Variants in PLEKHA7 observed in about 807,000 individuals in gnomAD.
The protein encoded by PLEKHA7 is pleckstrin homology domain-containing family A member 7.
In PLEKHA7, 104 loss-of-function variants were observed where a neutral mutation model predicts 170.0. That is an observed-to-expected ratio of 0.61 (90% CI 0.52 to 0.72). The LOEUF (loss-of-function observed/expected upper bound fraction) is 0.72, where lower values mean the gene tolerates loss of function less well. Ranked by LOEUF, PLEKHA7 falls within the 30% of genes least tolerant of loss-of-function variation. The probability of loss-of-function intolerance (pLI) is 0.00; values close to 1 mark genes in which losing one functional copy is unlikely to be tolerated. For missense variants in PLEKHA7, 1,615 were observed against 1,671.7 expected (o/e 0.97, Z 0.59); for synonymous variants, 648 against 660.8 (o/e 0.98, Z 0.30).
chr11:16,925,548 C>T (rs2136283848), intron 3 of PLEKHA7, among the ~76,000 whole-genome samples: 1 of 152,310 alleles, frequency 6.6e-6, no homozygotes, highest in East Asian at 1.9e-4. Flanking sequence ...CTTGGTCGCT[C>T]CTGCCAGACC....
At chr11:17,008,773 T>A (rs1474149554) in intron 3 of PLEKHA7, among the ~76,000 whole-genome samples, 1 of 152,132 alleles carries the variant, frequency 6.6e-6, no homozygotes, top group Non-Finnish European at 1.5e-5. Flanking sequence ...CATTGCCTCA[T>A]GACCTATTTA....
chr11:16,802,834 C>T (rs767404803), intron 15 of PLEKHA7, 138 bp downstream of exon 15: 8 of 773,936 alleles, frequency 1.0e-5, no homozygotes, highest in Non-Finnish European at 1.7e-5. Flanking sequence ...GCATGAGCCA[C>T]CGCACCTGGT....
At chr11:16,948,149 A>T (rs149079594) in intron 3 of PLEKHA7, among the ~76,000 whole-genome samples, 173 of 152,270 alleles carry the variant, frequency 1.1e-3, no homozygotes, top group African/African-American at 3.7e-3. Context: ...TCAAAGAGTA[A>T]AACGGTGGTT....
intron 21 of PLEKHA7, chr11:16,790,096 C>T: frequency 3.6e-6 from 2 of 559,930 alleles, no homozygotes. Flanking sequence ...GGGCAGTGTC[C>T]CTGCAGATCT....
chr11:16,830,039 C>T (rs387849), intron 9 of PLEKHA7, among the ~76,000 whole-genome samples: 14,633 of 151,972 alleles, frequency 0.096, 823 homozygotes, highest in East Asian at 0.16. Flanking sequence ...AATGCACTAG[C>T]GTGAACAGAG....
At chr11:16,904,986 C>A (rs1857563403) in intron 3 of PLEKHA7, among the ~76,000 whole-genome samples, 1 of 152,188 alleles carries the variant, frequency 6.6e-6, no homozygotes, top group African/African-American at 2.4e-5. Flanking sequence ...GACACAGTGA[C>A]TCACGCCTGT....
intron 3 of PLEKHA7, among the ~76,000 whole-genome samples, chr11:16,995,092 T>C (rs1244922846): frequency 1.3e-5 from 2 of 152,196 alleles, no homozygotes; most frequent in Non-Finnish European, 2.9e-5. Flanking sequence ...GTACTTCCTA[T>C]TAACTCATTT....
At chr11:17,014,265 G>GCCCCCGCGCCCCCA in intron 1 of PLEKHA7, 51 bp downstream of exon 1, 3 of 720,600 alleles carry the variant, frequency 4.2e-6, no homozygotes, top group Non-Finnish European at 6.3e-6. Context: ...CCCGGCCCCC[G>GCCCCCGCGCCCCCA]CCCCCGCGCC....
At position 16,816,899 on chromosome 11, in the gene PLEKHA7, T is replaced by C; in HGVS notation, c.1767A>G (p.Thr589=). Residue 589 remains threonine, a synonymous_variant, in exon 11 of 27, where the codon ACA becomes ACG. Coordinates refer to ENST00000531066, the MANE Select transcript of PLEKHA7 (RefSeq NM_001329630.2). ...GCTTCACTGTGACTCGCTCTGCTGGTGTGTGTGGCCGCCGGGGTGGGAAGA... is the reference window on the plus strand; with the variant it reads ...GCTTCACTGTGACTCGCTCTGCTGGCGTGTGTGGCCGCCGGGGTGGGAAGA... ...PRVFPPRRPH[T]PAERVTVKPP... The C allele has an allele frequency of 6.2e-7, 1 of 1,613,790 alleles. No homozygotes were observed. Among genetic ancestry groups the C allele is most frequent in the Non-Finnish European group, 8.5e-7 (1 of 1,179,950 alleles).
At chr11:16,820,829 AG>A (rs1214156032) in intron 10 of PLEKHA7, among the ~76,000 whole-genome samples, 1 of 152,102 alleles carries the variant, frequency 6.6e-6, no homozygotes, top group Non-Finnish European at 1.5e-5. Context: ...ATTTACACAT[AG>A]TCTGCCATTC....
intron 3 of PLEKHA7, among the ~76,000 whole-genome samples, chr11:16,926,068 C>T (rs561297734): frequency 2.3e-4 from 35 of 152,366 alleles, no homozygotes; most frequent in African/African-American, 7.9e-4. Flanking sequence ...GCTGTCGTCT[C>T]CCCTCCAAGA....
intron 3 of PLEKHA7, among the ~76,000 whole-genome samples, chr11:16,992,873 C>CTA (rs1864128962): frequency 6.6e-6 from 1 of 152,114 alleles, no homozygotes; most frequent in Non-Finnish European, 1.5e-5. Flanking sequence ...AGAATAACAC[C>CTA]TTTTAGGGCT....
chr11:16,798,316 A>G (rs1848371915), intron 17 of PLEKHA7, among the ~76,000 whole-genome samples: 1 of 152,182 alleles, frequency 6.6e-6, no homozygotes, highest in Non-Finnish European at 1.5e-5. Context: ...TGTGCCACTT[A>G]GGGAAAGTGT....
chr11:16,877,478 A>C (rs114797259), intron 3 of PLEKHA7, among the ~76,000 whole-genome samples: 3 of 152,196 alleles, frequency 2.0e-5, no homozygotes, highest in Non-Finnish European at 4.4e-5. Context: ...CTTGTGACTA[A>C]TTTTACTTAA....
chr11:16,942,588 C>G (rs1860765457), intron 3 of PLEKHA7, among the ~76,000 whole-genome samples: 1 of 152,182 alleles, frequency 6.6e-6, no homozygotes, highest in Non-Finnish European at 1.5e-5. Flanking sequence ...ACTAGTATCC[C>G]AAACACCATC....
At chr11:17,007,877 A>C in intron 3 of PLEKHA7, among the ~76,000 whole-genome samples, 1 of 152,184 alleles carries the variant, frequency 6.6e-6, no homozygotes. Flanking sequence ...GCCCGGCCTA[A>C]AGATATTCAG....
chr11:17,005,353 G>A (rs1170442657), intron 3 of PLEKHA7, among the ~76,000 whole-genome samples: 2 of 152,158 alleles, frequency 1.3e-5, no homozygotes, highest in Admixed American at 6.6e-5. Context: ...CCAACATGGT[G>A]AAACCCCGTC....
At chr11:16,980,976 CA>C (rs1334293007) in intron 3 of PLEKHA7, among the ~76,000 whole-genome samples, 1 of 152,110 alleles carries the variant, frequency 6.6e-6, no homozygotes, top group Admixed American at 6.5e-5. Flanking sequence ...AAAAGAACAC[CA>C]AGTACTCAGC....
chr11:16,962,716 C>A (rs186370576), intron 3 of PLEKHA7, among the ~76,000 whole-genome samples: 1 of 152,248 alleles, frequency 6.6e-6, no homozygotes, highest in African/African-American at 2.4e-5. Context: ...CCACCTCAGC[C>A]TCTGAAAGTG....
Sources: allele counts gnomAD v4.1 joint callset (sites outside exome capture counted in the v4.1 genomes callset), GRCh38; gene constraint gnomAD v4.1.1; transcripts MANE v1.5; gene names NCBI Gene and HGNC (gene_info 2026-07-23, HGNC 2026-07-21).